The following CUL3 variants were observed in gnomAD, a reference collection of about 807,000 sequenced individuals.
The protein encoded by CUL3 is cullin 3.
In CUL3, 19 loss-of-function variants were observed where a neutral mutation model predicts 89.1. The ratio of observed to expected loss-of-function variants is 0.21; its 90% CI spans 0.15 to 0.31. The LOEUF (loss-of-function observed/expected upper bound fraction) is 0.31. Among genes scored for constraint, CUL3 ranks in the 10% least tolerant of loss-of-function variants. CUL3 has a pLI of 1.00. For synonymous variants in CUL3, 351 were observed against 308.4 expected, an observed-to-expected ratio of 1.14 and a Z score of -1.45; for missense variants, 469 against 942.3, an observed-to-expected ratio of 0.50 and a Z score of 6.58.
chr2:224,524,440 T>C (rs1693389559), intron 3 of CUL3, among the ~76,000 whole-genome samples: 1 of 151,822 alleles, frequency 6.6e-6, no homozygotes, highest in Admixed American at 6.6e-5. Flanking sequence ...AAACAGAAAC[T>C]ATCAAAGGGA....
chr2:224,534,212 C>A (rs1024987116), intron 3 of CUL3, among the ~76,000 whole-genome samples: 2 of 152,114 alleles, frequency 1.3e-5, no homozygotes, highest in Non-Finnish European at 2.9e-5. Flanking sequence ...GGAATTTAAT[C>A]TCTCTGAAAG....
At chr2:224,542,620 C>T (rs532133046) in intron 2 of CUL3, among the ~76,000 whole-genome samples, 5 of 152,184 alleles carry the variant, frequency 3.3e-5, no homozygotes, top group African/African-American at 1.2e-4. Flanking sequence ...TTTGCCCAAG[C>T]TGGTCTCGAA....
chr2:224,506,935 T>A lies in CUL3; in HGVS notation c.952A>T (p.Ser318Cys), dbSNP rs1385917526. The change falls in exon 7 of 16, where the codon AGT (serine) becomes TGT (cysteine). Residue 318 changes from serine (S) to cysteine (C), a missense_variant. Transcript: ENST00000264414. The stretch of plus-strand genomic sequence containing the variant: ...TTACCTTGCTCCCTCAAATAGGAAC[T>A]CATACACTCACACATTGTTTTCAAA... ...NGLKTMCECM[S>C]SYLREQGKAL... 6.2e-7 allele frequency: 1 copy of A among 1,613,516 alleles called. No individual in the cohort carries two copies. The highest frequency in any genetic ancestry group is 1.7e-5 in the Admixed American group (1 of 59,984).
At chr2:224,563,076 G>A (rs1476879365) in intron 1 of CUL3, 8 of 366,482 alleles carry the variant, frequency 2.2e-5, no homozygotes, top group African/African-American at 4.3e-5. Flanking sequence ...TCTCTTGAAC[G>A]CTCATCGACA....
intron 6 of CUL3, 38 bp from the exon 7 acceptor site, chr2:224,507,041 T>C (rs928902057): frequency 1.9e-6 from 3 of 1,588,572 alleles, no homozygotes; most frequent in Non-Finnish European, 2.6e-6. Context: ...ACATTAAAGA[T>C]TAAAGAAAAA....
intron 1 of CUL3, among the ~76,000 whole-genome samples, chr2:224,570,531 T>C (rs1306019341): frequency 6.6e-6 from 1 of 152,170 alleles, no homozygotes; most frequent in Non-Finnish European, 1.5e-5. Context: ...CCTTGATTAG[T>C]GACTTAAAAC....
At chr2:224,539,950 A>G (rs533476679) in intron 2 of CUL3, among the ~76,000 whole-genome samples, 6 of 152,068 alleles carry the variant, frequency 3.9e-5, no homozygotes, top group Admixed American at 2.0e-4. Context: ...AGGTTCATCA[A>G]TTGTAATAAA....
intron 1 of CUL3, among the ~76,000 whole-genome samples, chr2:224,559,573 A>G (rs114686559): frequency 5.1e-4 from 77 of 152,290 alleles, no homozygotes; most frequent in Non-Finnish European, 9.1e-4. Context: ...ACAGGCAAGA[A>G]GAGGAGATTG....
At chr2:224,474,791 G>C (rs1337957669) in intron 15 of CUL3, among the ~76,000 whole-genome samples, 2 of 152,124 alleles carry the variant, frequency 1.3e-5, no homozygotes, top group Non-Finnish European at 2.9e-5. Flanking sequence ...TACTAGCTCT[G>C]GGACCTTGGC....
At position 224,496,073 on chromosome 2, in the gene CUL3, C is replaced by T; in HGVS notation, c.1708-107G>A. The stretch of plus-strand genomic sequence containing the variant: ...TGTTACAGGGTCTCACTTTGTCATC[C>T]AGGCTACAGTGCAGTGGCGCAAACA... On this transcript the variant is annotated intron_variant, in intron 12 of 15. Coordinates refer to ENST00000264414, the MANE Select transcript of CUL3 (RefSeq NM_003590.5). 3.2e-6 allele frequency: 4 copies of T among 1,258,060 alleles called. No individual in the cohort carries two copies. In the East Asian group the frequency reaches 9.7e-5, roughly 31 times the overall value. The allele number at this position is 1,258,060 out of a possible 1,614,324, so 77.9% of individuals were successfully genotyped here. A position where few individuals can be genotyped will look rare whatever the true frequency, so the allele number is the denominator to read the frequency against.
chr2:224,495,992 A>G (rs1692155708), intron 12 of CUL3, 26 bp from the exon 13 acceptor site: 1 of 1,608,142 alleles, frequency 6.2e-7, no homozygotes, highest in Non-Finnish European at 8.5e-7. Context: ...AAAAATATAA[A>G]CAAAGACACA....
intron 1 of CUL3, among the ~76,000 whole-genome samples, chr2:224,581,499 T>G (rs1695436123): frequency 6.6e-6 from 1 of 151,466 alleles, no homozygotes. Flanking sequence ...CATATATAAT[T>G]TTTCTTTTCT....
intron 14 of CUL3, chr2:224,478,771 T>C (rs1344386608): frequency 1.3e-5 from 2 of 159,672 alleles, no homozygotes; most frequent in South Asian, 1.8e-4. Flanking sequence ...ACTCAAAATG[T>C]AGCTGTAATC....
At chr2:224,577,693 T>C (rs900815210) in intron 1 of CUL3, among the ~76,000 whole-genome samples, 2 of 152,198 alleles carry the variant, frequency 1.3e-5, no homozygotes, top group African/African-American at 2.4e-5. Flanking sequence ...ATATGTTGAA[T>C]ACTCCAGTGC....
chr2:224,503,380 T>C (rs1320003382), intron 9 of CUL3, among the ~76,000 whole-genome samples: 1 of 152,190 alleles, frequency 6.6e-6, no homozygotes, highest in Non-Finnish European at 1.5e-5. Flanking sequence ...CTACACAGCA[T>C]AGCCTCTTTA....
intron 3 of CUL3, among the ~76,000 whole-genome samples, chr2:224,517,411 G>A (rs576220467): frequency 4.6e-5 from 7 of 152,142 alleles, no homozygotes; most frequent in African/African-American, 1.7e-4. Flanking sequence ...GGTGGCTCAC[G>A]CCTGTAATCC....
intron 2 of CUL3, 123 bp downstream of exon 2, chr2:224,557,536 A>G (rs1020616797): frequency 8.3e-6 from 5 of 601,748 alleles, no homozygotes; most frequent in Middle Eastern, 9.4e-4. Context: ...ACAGTCACGA[A>G]TTAGTAATTT....
At chr2:224,539,479 C>T (rs750386545) in intron 2 of CUL3, among the ~76,000 whole-genome samples, 6 of 152,124 alleles carry the variant, frequency 3.9e-5, no homozygotes, top group Non-Finnish European at 8.8e-5. Context: ...TGAAAACTTA[C>T]GTCCACACAA....
chr2:224,478,185 G>A lies in CUL3; in HGVS notation c.2175+15C>T, dbSNP rs778577745. The A allele has an allele frequency of 6.3e-7, 1 of 1,599,986 alleles. No homozygotes were observed. Among genetic ancestry groups the A allele is most frequent in the Non-Finnish European group, 8.5e-7 (1 of 1,172,316 alleles). On this transcript the variant is annotated intron_variant, in intron 15 of 15. Coordinates refer to ENST00000264414, the MANE Select transcript of CUL3 (RefSeq NM_003590.5). The stretch of plus-strand genomic sequence containing the variant: ...CTGTTTTTTCTATATTAGCCCAGTA[G>A]TGAAGAGTCCTCACCTCCGCTACTA...
Sources: gnomAD v4.1 joint callset for allele counts (sites outside exome capture counted in the v4.1 genomes callset) on GRCh38, gnomAD v4.1.1 for gene constraint, MANE v1.5 for transcripts, NCBI Gene and HGNC (gene_info 2026-07-23, HGNC 2026-07-21) for gene names.